ANGPT1: variants seen among roughly 807,000 people sequenced by gnomAD.
ANGPT1 encodes angiopoietin-1.
ANGPT1 carries 17 observed loss-of-function variants against 62.2 expected under a neutral mutation model. The observed-to-expected ratio is 0.27, with a 90% CI of 0.19 to 0.41. The LOEUF (loss-of-function observed/expected upper bound fraction) is 0.41, where lower values mean the gene tolerates loss of function less well. ANGPT1 is among the 10% of genes least tolerant of loss of function. ANGPT1 has a pLI of 1.00. For missense variants in ANGPT1, 478 were observed against 594.9 expected (o/e 0.80, Z 2.04); for synonymous variants, 199 against 198.9 (o/e 1.00, Z 0.00).
At position 107,275,750 on chromosome 8, in the gene ANGPT1, A is replaced by G. The variant is rs79517995; in HGVS notation, c.1205+8932T>C. On this transcript the variant is annotated intron_variant, in intron 7 of 8. Coordinates refer to ENST00000517746, the MANE Select transcript of ANGPT1 (RefSeq NM_001146.5). Reference sequence around the variant, plus strand: ...GGAGCCATCATCTTTTTGATAGTGAACAGCAGTAGGGGAACCTAGAGCAGT... The same window carrying G: ...GGAGCCATCATCTTTTTGATAGTGAGCAGCAGTAGGGGAACCTAGAGCAGT... Among the ~76,000 whole-genome samples the G allele has an allele frequency of 3.0e-3, 461 of 152,230 alleles. 4 individuals are homozygous for G. The highest frequency in any genetic ancestry group is 0.01 in the African/African-American group (431 of 41,536).
At chr8:107,310,524 G>A (rs1313392314) in intron 4 of ANGPT1, among the ~76,000 whole-genome samples, 1 of 152,144 alleles carries the variant, frequency 6.6e-6, no homozygotes, top group Non-Finnish European at 1.5e-5. Flanking sequence ...AAGTCTGAAA[G>A]GGTACAGCCT....
At chr8:107,321,408 C>A (rs1338951961) in intron 4 of ANGPT1, among the ~76,000 whole-genome samples, 2 of 152,096 alleles carry the variant, frequency 1.3e-5, no homozygotes, top group East Asian at 1.9e-4. Flanking sequence ...ACTCATAATA[C>A]TTGTTTCAAA....
At chr8:107,419,060 T>C (rs1563614197) in intron 1 of ANGPT1, among the ~76,000 whole-genome samples, 1 of 152,186 alleles carries the variant, frequency 6.6e-6, no homozygotes, top group Non-Finnish European at 1.5e-5. Flanking sequence ...GTATATTTTC[T>C]AGGTCTAAAA....
chr8:107,390,767 A>G (rs1311182712), intron 1 of ANGPT1, among the ~76,000 whole-genome samples: 1 of 152,196 alleles, frequency 6.6e-6, no homozygotes, highest in Non-Finnish European at 1.5e-5. Context: ...AAGCACTACC[A>G]TTATACCCAT....
chr8:107,371,293 T>G (rs867472676), intron 1 of ANGPT1, among the ~76,000 whole-genome samples: 1 of 152,212 alleles, frequency 6.6e-6, no homozygotes, highest in Admixed American at 6.5e-5. Flanking sequence ...TTCTAAATCA[T>G]TGAGACTACT....
chr8:107,388,432 AAAATAAAT>A (rs145224266), intron 1 of ANGPT1, among the ~76,000 whole-genome samples: 2 of 150,894 alleles, frequency 1.3e-5, no homozygotes, highest in Non-Finnish European at 3.0e-5. Context: ...TTTTTTAATA[AAAATAAAT>A]AAATAAATAA....
chr8:107,269,907 T>A (rs889004065), intron 7 of ANGPT1, among the ~76,000 whole-genome samples: 2 of 152,064 alleles, frequency 1.3e-5, no homozygotes, highest in Non-Finnish European at 2.9e-5. Context: ...GGAAAACTGA[T>A]GTCCATTGAA....
At chr8:107,384,774 T>G (rs1474198502) in intron 1 of ANGPT1, among the ~76,000 whole-genome samples, 1 of 152,140 alleles carries the variant, frequency 6.6e-6, no homozygotes, top group Non-Finnish European at 1.5e-5. Flanking sequence ...AGTTAAATCC[T>G]TAATCTTGAG....
chr8:107,444,073 A>T (rs2130437958), intron 1 of ANGPT1, among the ~76,000 whole-genome samples: 1 of 152,306 alleles, frequency 6.6e-6, no homozygotes, highest in African/African-American at 2.4e-5. Flanking sequence ...GCTCTCAGAA[A>T]GTATTCTGTT....
At chr8:107,257,948 T>C (rs1403736508) in intron 8 of ANGPT1, among the ~76,000 whole-genome samples, 4 of 109,796 alleles carry the variant, frequency 3.6e-5, no homozygotes, top group South Asian at 3.1e-4. Flanking sequence ...CTCTCTCTCT[T>C]TCTTTCTTTC....
At chr8:107,257,817 G>C (rs1813392714) in intron 8 of ANGPT1, among the ~76,000 whole-genome samples, 1 of 149,272 alleles carries the variant, frequency 6.7e-6, no homozygotes, top group Non-Finnish European at 1.5e-5. Context: ...AACCTTGCTA[G>C]AAGTCCATTC....
intron 1 of ANGPT1, among the ~76,000 whole-genome samples, chr8:107,425,160 G>C (rs755565696): frequency 2.0e-5 from 3 of 152,128 alleles, no homozygotes; most frequent in Non-Finnish European, 2.9e-5. Flanking sequence ...GGCATGAGCC[G>C]CTGCACCCAG....
At position 107,326,653 on chromosome 8, in the gene ANGPT1, A is replaced by G. The variant is rs369519591; in HGVS notation, c.576-4525T>C. ...TTCAATGCAAACCTCACTTGCCAGAAAACTCCATATACCATCTCTACTTAT... is the reference window on the plus strand; with the variant it reads ...TTCAATGCAAACCTCACTTGCCAGAGAACTCCATATACCATCTCTACTTAT... On this transcript the variant is annotated intron_variant, in intron 3 of 8. Coordinates refer to ENST00000517746, the MANE Select transcript of ANGPT1 (RefSeq NM_001146.5). 1.1e-4 allele frequency among the ~76,000 whole-genome samples: 17 copies of G among 152,266 alleles called. No individual in the cohort carries two copies. In the South Asian group the frequency reaches 3.5e-3, roughly 32 times the overall value.
At chr8:107,347,221 A>C in intron 1 of ANGPT1, 124 bp from the exon 2 acceptor site, 1 of 944,314 alleles carries the variant, frequency 1.1e-6, no homozygotes, top group Non-Finnish European at 1.6e-6. Context: ...GGGATCCTCT[A>C]CATCTCTGGG....
At chr8:107,282,342 T>A (rs926512766) in intron 7 of ANGPT1, among the ~76,000 whole-genome samples, 4 of 151,186 alleles carry the variant, frequency 2.6e-5, no homozygotes, top group Admixed American at 1.3e-4. Flanking sequence ...AGAAACCACA[T>A]TGAATGAGGC....
chr8:107,258,187 A>C (rs1406847750), intron 8 of ANGPT1, among the ~76,000 whole-genome samples: 1 of 151,960 alleles, frequency 6.6e-6, no homozygotes, highest in Admixed American at 6.6e-5. Context: ...ATTCTCTTTG[A>C]ATGTCATCCC....
intron 1 of ANGPT1, among the ~76,000 whole-genome samples, chr8:107,387,396 C>T (rs1452656322): frequency 6.6e-6 from 1 of 152,002 alleles, no homozygotes; most frequent in Non-Finnish European, 1.5e-5. Context: ...ACATAAAAGG[C>T]CAAAATGCTA....
chr8:107,311,826 A>G (rs936926793), intron 4 of ANGPT1, among the ~76,000 whole-genome samples: 2 of 152,194 alleles, frequency 1.3e-5, no homozygotes, highest in African/African-American at 4.8e-5. Flanking sequence ...GCACTCTGGA[A>G]GTCCGAGGCG....
chr8:107,344,880 A>T (rs1352278087), intron 2 of ANGPT1, among the ~76,000 whole-genome samples: 1 of 152,224 alleles, frequency 6.6e-6, no homozygotes, highest in East Asian at 1.9e-4. Flanking sequence ...ATAATTCAGG[A>T]TTACTTTTGT....
Sources: allele counts gnomAD v4.1 joint callset (sites outside exome capture counted in the v4.1 genomes callset), GRCh38; gene constraint gnomAD v4.1.1; transcripts MANE v1.5; gene names NCBI Gene and HGNC (gene_info 2026-07-23, HGNC 2026-07-21).